MEIG1: variants seen among roughly 807,000 people sequenced by gnomAD.
MEIG1 encodes meiosis expressed gene 1 protein homolog.
In MEIG1, 12 loss-of-function variants were observed where a neutral mutation model predicts 11.3. The ratio of observed to expected loss-of-function variants is 1.07; its 90% CI spans 0.68 to 1.73. The LOEUF (loss-of-function observed/expected upper bound fraction) is 1.73. MEIG1 is among the 40% of genes most tolerant of loss of function. The pLI is 0.00. For missense variants in MEIG1, 119 were observed against 104.9 expected (o/e 1.13, Z -0.59); for synonymous variants, 41 against 33.2 (o/e 1.24, Z -0.81).
chr10:14,969,409 C>G (rs530567043), intron 2 of MEIG1, among the ~76,000 whole-genome samples: 1 of 148,644 alleles, frequency 6.7e-6, no homozygotes, highest in South Asian at 2.1e-4. Context: ...GATCACATCA[C>G]TGCACACCAG....
chr10:14,974,434 G>A (rs1462892613), downstream of MEIG1, among the ~76,000 whole-genome samples: 28 of 152,008 alleles, frequency 1.8e-4, no homozygotes, highest in Admixed American at 1.3e-3. Context: ...TGAGAAGGTC[G>A]GCAGAGGTGA....
At chr10:14,966,081 T>TTTTTTTTA (rs1843079866) in intron 1 of MEIG1, among the ~76,000 whole-genome samples, 3 of 148,970 alleles carry the variant, frequency 2.0e-5, no homozygotes, top group Non-Finnish European at 3.0e-5. Context: ...TTTTTTTTTT[T>TTTTTTTTA]GAGATGGAGT....
chr10:14,958,078 TAA>T (rs1445463684), upstream of MEIG1, among the ~76,000 whole-genome samples: 2 of 152,190 alleles, frequency 1.3e-5, no homozygotes, highest in African/African-American at 4.8e-5. Context: ...GTAGAAGCTA[TAA>T]AGTCAGCAGG....
chr10:14,975,416 C>G (rs555073452), downstream of MEIG1, among the ~76,000 whole-genome samples: 265 of 152,012 alleles, frequency 1.7e-3, 2 homozygotes, highest in African/African-American at 5.9e-3. Flanking sequence ...GGCAGGGGGT[C>G]TACATCCAGT....
At position 14,972,739 on chromosome 10, in the gene MEIG1, G is replaced by C; in HGVS notation, c.*98G>C. ...ATTTGATGAAATAATTCAAGATGCA[G>C]TCTGCAGTTTAATGTTTTGTGAAAC... On this transcript the variant is annotated 3_prime_UTR_variant, in exon 3 of 3. Coordinates refer to ENST00000407572, the MANE Select transcript of MEIG1 (RefSeq NM_001080836.3). The C allele has an allele frequency of 8.5e-7, 1 of 1,172,974 alleles. No individual in the cohort carries two copies. Among genetic ancestry groups the C allele is most frequent in the Non-Finnish European group, 1.2e-6 (1 of 853,026 alleles). 72.7% of individuals were successfully genotyped at this position (1,172,974 alleles called of 1,614,324 possible).
At chr10:14,970,358 A>G (rs1843134748) in intron 2 of MEIG1, 1 of 152,264 alleles carries the variant, frequency 6.6e-6, no homozygotes. Flanking sequence ...GAAGTCAACA[A>G]GCAAAGGAGC....
At position 14,981,534 on chromosome 10, in the gene MEIG1, G is replaced by A. The variant is rs1024373394; in HGVS notation, n.67-5262G>A. Among the ~76,000 whole-genome samples, 6 of 152,198 alleles carry A rather than the reference G, an allele frequency of 3.9e-5. No individual in the cohort carries two copies. The South Asian group carries it at 1.2e-3, about 32-fold the overall frequency. The stretch of plus-strand genomic sequence containing the variant: ...CAAGAGTCTTTTTGGATAAGGGGGC[G>A]ACCGGGGCGGTTACTAGCGAATGTT... On this transcript the variant is annotated intron_variant and non_coding_transcript_variant, in intron 1 of 2. Transcript: ENST00000467536.
chr10:14,956,322 T>TA (rs988372677), upstream of MEIG1, among the ~76,000 whole-genome samples: 6 of 152,044 alleles, frequency 3.9e-5, no homozygotes, highest in East Asian at 5.8e-4. Context: ...CTCATGCCTA[T>TA]AATCCCAACA....
chr10:14,979,009 C>A (rs1480692567), intron 1 of MEIG1, among the ~76,000 whole-genome samples: 1 of 152,028 alleles, frequency 6.6e-6, no homozygotes, highest in African/African-American at 2.4e-5. Flanking sequence ...GCGTGTACAC[C>A]TTGTGATATT....
At chr10:14,960,474 A>T (rs1156707765) in intron 1 of MEIG1, among the ~76,000 whole-genome samples, 6 of 152,042 alleles carry the variant, frequency 3.9e-5, no homozygotes, top group African/African-American at 1.4e-4. Flanking sequence ...GCTGGAGTGC[A>T]GTGGCGGGAT....
chr10:14,974,783 C>T (rs1843193254), downstream of MEIG1, among the ~76,000 whole-genome samples: 1 of 151,764 alleles, frequency 6.6e-6, no homozygotes, highest in Admixed American at 6.6e-5. Flanking sequence ...TGATCTTATT[C>T]ATTAGAAAAC....
intron 1 of MEIG1, among the ~76,000 whole-genome samples, chr10:14,981,886 A>G (rs576705516): frequency 2.7e-4 from 41 of 152,310 alleles, no homozygotes; most frequent in South Asian, 8.3e-4. Context: ...TGCTGCAGCT[A>G]ACAAACAGGT....
intron 1 of MEIG1, among the ~76,000 whole-genome samples, chr10:14,979,087 G>A (rs1332629498): frequency 6.6e-6 from 1 of 151,884 alleles, no homozygotes; most frequent in Non-Finnish European, 1.5e-5. Context: ...GATATTATCC[G>A]TTATATCCTC....
At chr10:14,977,584 A>C (rs60463470), downstream of MEIG1, among the ~76,000 whole-genome samples, 2 of 151,716 alleles carry the variant, frequency 1.3e-5, no homozygotes, top group African/African-American at 4.8e-5. Flanking sequence ...GTGGGTGTAC[A>C]CACATGGGGT....
At chr10:14,965,431 C>T (rs1294975362) in intron 1 of MEIG1, among the ~76,000 whole-genome samples, 2 of 152,146 alleles carry the variant, frequency 1.3e-5, no homozygotes, top group Non-Finnish European at 2.9e-5. Context: ...TATTAGTGAC[C>T]TCCTACACTG....
chr10:14,957,434 C>T (rs1211409464), upstream of MEIG1, among the ~76,000 whole-genome samples: 1 of 152,184 alleles, frequency 6.6e-6, no homozygotes, highest in East Asian at 1.9e-4. Context: ...ATCCCTTTAG[C>T]ACCTACTGTG....
At chr10:14,964,443 A>G (rs1422172315) in intron 1 of MEIG1, among the ~76,000 whole-genome samples, 1 of 151,758 alleles carries the variant, frequency 6.6e-6, no homozygotes, top group African/African-American at 2.4e-5. Context: ...TTTAAATAAA[A>G]CTTTTAAGTC....
At chr10:14,975,749 A>C (rs1253691458), downstream of MEIG1, among the ~76,000 whole-genome samples, 1 of 152,058 alleles carries the variant, frequency 6.6e-6, no homozygotes, top group African/African-American at 2.4e-5. Context: ...TGTTCCCATG[A>C]TCCAGGAGAG....
chr10:14,979,923 A>G (rs1338638236), intron 1 of MEIG1, among the ~76,000 whole-genome samples: 2 of 152,038 alleles, frequency 1.3e-5, no homozygotes, highest in African/African-American at 4.8e-5. Flanking sequence ...GGAGTTTAAC[A>G]TCCTGTGAAA....
Sources: gnomAD v4.1 joint callset for allele counts (sites outside exome capture counted in the v4.1 genomes callset) on GRCh38, gnomAD v4.1.1 for gene constraint, MANE v1.5 for transcripts, NCBI Gene and HGNC (gene_info 2026-07-23, HGNC 2026-07-21) for gene names.